The following HELB variants were observed in gnomAD, a reference collection of about 807,000 sequenced individuals.
HELB encodes DNA helicase B.
HELB carries 96 observed loss-of-function variants against 101.7 expected under a neutral mutation model. The observed-to-expected ratio is 0.94, with a 90% CI of 0.80 to 1.12. The LOEUF is 1.12. Among genes scored for constraint, HELB ranks in the 50% most tolerant of loss-of-function variants. HELB has a pLI of 0.00. For synonymous variants in HELB, 437 were observed against 459.7 expected, an observed-to-expected ratio of 0.95 and a Z score of 0.63; for missense variants, 1,210 against 1,291.9, an observed-to-expected ratio of 0.94 and a Z score of 0.97.
chr12:66,326,784 C>T (rs2053743561), intron 11 of HELB, among the ~76,000 whole-genome samples: 2 of 149,706 alleles, frequency 1.3e-5, no homozygotes, highest in South Asian at 4.2e-4. Context: ...GTAATCCCAG[C>T]ACTTTGGGAG....
At position 66,306,598 on chromosome 12, in the gene HELB, GA is replaced by G. The variant is rs1032406343; in HGVS notation, c.777+91del. 69 of 1,052,696 alleles carry G rather than the reference GA, an allele frequency of 6.6e-5. No individual in the cohort carries two copies. The African/African-American group carries it at 1.0e-3, about 16-fold the overall frequency. 65.2% of individuals were successfully genotyped at this position (1,052,696 alleles called of 1,614,324 possible). A position where few individuals can be genotyped will look rare whatever the true frequency, so the allele number is the denominator to read the frequency against. On this transcript the variant is annotated intron_variant, in intron 3 of 12. Transcript: ENST00000247815. ...GGCAATTTTCCTTTCTCTTTCAAAG[GA>G]AAAAAATTTGTGTGGACCCCAGTAT...
At position 66,302,809 on chromosome 12, in the gene HELB, C is replaced by T; in HGVS notation, c.187+19C>T. 4 of 1,589,448 alleles carry T rather than the reference C, an allele frequency of 2.5e-6. No homozygotes were observed. The highest frequency in any genetic ancestry group is 1.1e-5 in the South Asian group (1 of 88,770). On this transcript the variant is annotated intron_variant, in intron 1 of 12. Transcript: ENST00000247815. ...CTCCGCGGTGAGGAAGGCGTCTGCC[C>T]GGGGGATGGGGTTGGAGGGTCCAAA...
intron 6 of HELB, 147 bp from the exon 7 acceptor site, chr12:66,318,491 A>G (rs888908652): frequency 8.0e-6 from 5 of 624,770 alleles, no homozygotes; most frequent in African/African-American, 5.8e-5. Context: ...AAACTCATTT[A>G]CTATTTATAA....
intron 12 of HELB, among the ~76,000 whole-genome samples, chr12:66,334,954 T>C (rs749801372): frequency 1.3e-5 from 2 of 151,930 alleles, no homozygotes; most frequent in Non-Finnish European, 2.9e-5. Flanking sequence ...GGATGCATTT[T>C]GGAGATGGAG....
rs113172942 is a variant in HELB, at chr12:66,306,751, GA to G, written c.777+245del. ...TGTAAAGTTGCATAAATTTGTAAATGAAAAAAAATTGATGACATTCAAATTA... is the reference window on the plus strand; with the variant it reads ...TGTAAAGTTGCATAAATTTGTAAATGAAAAAAATTGATGACATTCAAATTA... On this transcript the variant is annotated intron_variant, in intron 3 of 12. Transcript: ENST00000247815. 1.0e-3 allele frequency among the ~76,000 whole-genome samples: 155 copies of G among 151,938 alleles called. 2 individuals are homozygous for G. The highest frequency in any genetic ancestry group is 3.3e-3 in the African/African-American group (136 of 41,482).
chr12:66,332,192 T>C (rs1228195210), intron 12 of HELB, among the ~76,000 whole-genome samples: 2 of 152,180 alleles, frequency 1.3e-5, no homozygotes, highest in African/African-American at 4.8e-5. Context: ...AATTTCTCCA[T>C]TTCAATCACC....
At chr12:66,323,947 C>T in intron 9 of HELB, 36 bp from the exon 10 acceptor site, 1 of 1,432,398 alleles carries the variant, frequency 7.0e-7, no homozygotes, top group Non-Finnish European at 9.8e-7. Context: ...GGAGACTTTC[C>T]AAACTTTGAT....
rs776770162 is a variant in HELB, at chr12:66,310,125, T to C, written c.1197T>C (p.Asp399=). Residue 399 remains aspartate (D), a synonymous_variant, in exon 4 of 13, where the codon GAT becomes GAC. Transcript: ENST00000247815. The part of the protein sequence containing the change: ...IHTTKPENSS[D]DALNESKPDE... ...CCACAAAACCTGAGAATTCAAGCGA[T>C]GATGCATTGAATGAGAGCAAACCTG... The C allele has an allele frequency of 2.5e-6, 4 of 1,614,240 alleles. No individual in the cohort carries two copies. The highest frequency in any genetic ancestry group is 3.4e-6 in the Non-Finnish European group (4 of 1,180,042).
chr12:66,338,212 G>T, downstream of HELB: 1 of 687,460 alleles, frequency 1.5e-6, no homozygotes. Flanking sequence ...GGAGTTTTAA[G>T]GTATTTGTGT....
chr12:66,327,724 A>G (rs1407397918), intron 11 of HELB, among the ~76,000 whole-genome samples: 1 of 152,200 alleles, frequency 6.6e-6, no homozygotes, highest in African/African-American at 2.4e-5. Context: ...TAAAACAGAC[A>G]AAGATTCTTG....
In HELB at chr12:66,309,946, G is replaced by A; in HGVS notation, c.1018G>A (p.Asp340Asn). The change falls in exon 4 of 13, where the codon GAT (aspartate) becomes AAT (asparagine). Residue 340 changes from aspartate to asparagine, a missense_variant. Asp to Asn is a conservative substitution (Grantham distance 23). This residue lies in a region of HELB where 470 missense variants were observed against 563.1 expected (regional missense o/e 0.83). Coordinates refer to ENST00000247815, the MANE Select transcript of HELB (RefSeq NM_001370285.1). ...AASESLKFLK[D>N]IGVVTYEKSC... is the part of the protein sequence containing the mutation. ...TTCAGAGTCTCTGAAGTTTTTGAAG[G>A]ATATTGGTGTGGTGACATATGAGAA... 6.2e-7 allele frequency: 1 copy of A among 1,614,182 alleles called. No individual in the cohort carries two copies. Among genetic ancestry groups the A allele is most frequent in the Non-Finnish European group, 8.5e-7 (1 of 1,180,032 alleles).
chr12:66,337,944 G>T, intron 12 of HELB, 57 bp from the exon 13 acceptor site: 1 of 980,840 alleles, frequency 1.0e-6, no homozygotes. Flanking sequence ...CAAGTACGTA[G>T]GGTAGACTAA....
At chr12:66,313,924 A>C (rs1236678519) in intron 4 of HELB, 62 bp from the exon 5 acceptor site, 1 of 1,481,924 alleles carries the variant, frequency 6.7e-7, no homozygotes, top group Non-Finnish European at 9.4e-7. Context: ...ATAACTTGCT[A>C]TTAATTTTTG....
rs1187544981 is a variant in HELB, at chr12:66,314,044, A to C, written c.1739A>C (p.Lys580Thr). The change falls in exon 5 of 13, where the codon AAA becomes ACA. Residue 580 changes from lysine (K) to threonine (T), a missense_variant. By Grantham distance (78) the Lys-to-Thr change is moderately conservative. Coordinates refer to ENST00000247815, the MANE Select transcript of HELB (RefSeq NM_001370285.1). Reference sequence around the variant, plus strand: ...ATGATGACCACAAACAAACCATGGAAATTTTCTTCGGTTAGAGTTCTGGTT... The same window carrying C: ...ATGATGACCACAAACAAACCATGGACATTTTCTTCGGTTAGAGTTCTGGTT... ...QTMMTTNKPW[K>T]FSSVRVLVVD... The C allele has an allele frequency of 9.9e-6, 16 of 1,613,798 alleles. No individual in the cohort carries two copies. The highest frequency in any genetic ancestry group is 1.4e-5 in the Non-Finnish European group (16 of 1,179,856).
At chr12:66,312,734 A>G (rs2053558625) in intron 4 of HELB, among the ~76,000 whole-genome samples, 1 of 152,264 alleles carries the variant, frequency 6.6e-6, no homozygotes, top group South Asian at 2.1e-4. Context: ...CGGAAAGAGC[A>G]CTGGAGTGCC....
At chr12:66,339,199 T>A (rs901391916), downstream of HELB, 1 of 152,218 alleles carries the variant, frequency 6.6e-6, no homozygotes, top group Non-Finnish European at 1.5e-5. Flanking sequence ...AATAGCTTTA[T>A]TGAGATATAA....
chr12:66,338,363 C>G, downstream of HELB: 1 of 252,816 alleles, frequency 4.0e-6, no homozygotes, highest in Non-Finnish European at 7.5e-6. Flanking sequence ...TACATTAAGC[C>G]AGGCACGGTG....
chr12:66,308,474 A>G (rs1446387833), intron 3 of HELB, among the ~76,000 whole-genome samples: 18 of 152,206 alleles, frequency 1.2e-4, no homozygotes, highest in Admixed American at 1.2e-3. Flanking sequence ...CAGCATGTAA[A>G]CTGCTATCCA....
At position 66,314,025 on chromosome 12, in the gene HELB, A is replaced by G. The variant is rs1565638148; in HGVS notation, c.1720A>G (p.Thr574Ala). 1 of 1,613,746 alleles carries G rather than the reference A, an allele frequency of 6.2e-7. No individual in the cohort carries two copies. The highest frequency in any genetic ancestry group is 1.3e-5 in the African/African-American group (1 of 74,900). Reference sequence around the variant, plus strand: ...CTATTCATGGACTCAAACAATGATGACCACAAACAAACCATGGAAATTTTC... The same window carrying G: ...CTATTCATGGACTCAAACAATGATGGCCACAAACAAACCATGGAAATTTTC... ...SFYSWTQTMM[T>A]TNKPWKFSSV... is the part of the protein sequence containing the mutation. The change falls in exon 5 of 13, where the codon ACC becomes GCC. Residue 574 changes from threonine (T) to alanine (A), a missense_variant. This residue lies in a region of HELB where 740 missense variants were observed against 728.8 expected (regional missense o/e 1.02). Transcript: ENST00000247815.
Sources: allele counts gnomAD v4.1 joint callset (sites outside exome capture counted in the v4.1 genomes callset), GRCh38; gene constraint gnomAD v4.1.1; regional missense constraint gnomAD v4.1.1; transcripts MANE v1.5; gene names NCBI Gene and HGNC (gene_info 2026-07-23, HGNC 2026-07-21).